The following KLHL1 variants were observed in gnomAD, a reference collection of about 807,000 sequenced individuals.
KLHL1 encodes kelch-like protein 1.
A neutral mutation model predicts 77.7 loss-of-function variants in KLHL1; 47 were observed. That is an observed-to-expected ratio of 0.60 (90% CI 0.48 to 0.77). The LOEUF is 0.77. Among genes scored for constraint, KLHL1 ranks in the 30% least tolerant of loss-of-function variants. The pLI is 0.00. For missense variants in KLHL1, 925 were observed against 910.8 expected (o/e 1.02, Z -0.20); for synonymous variants, 360 against 325.2 (o/e 1.11, Z -1.15).
intron 7 of KLHL1, among the ~76,000 whole-genome samples, chr13:69,796,073 T>G (rs1337933300): frequency 2.0e-5 from 3 of 152,218 alleles, no homozygotes; most frequent in African/African-American, 7.2e-5. Flanking sequence ...CGTATGATCT[T>G]TGAGGACAGC....
At chr13:69,913,589 A>G (rs1198947829) in intron 4 of KLHL1, among the ~76,000 whole-genome samples, 3 of 152,226 alleles carry the variant, frequency 2.0e-5, no homozygotes, top group Non-Finnish European at 4.4e-5. Flanking sequence ...TACTTTTCAT[A>G]TATTTTGGAA....
intron 2 of KLHL1, among the ~76,000 whole-genome samples, chr13:69,971,053 C>G (rs1387510370): frequency 6.6e-6 from 1 of 152,046 alleles, no homozygotes; most frequent in Non-Finnish European, 1.5e-5. Context: ...TTATGATAGT[C>G]AGTCTATTGT....
chr13:69,880,776 A>C (rs1880958584), intron 5 of KLHL1, among the ~76,000 whole-genome samples: 1 of 152,094 alleles, frequency 6.6e-6, no homozygotes, highest in Non-Finnish European at 1.5e-5. Context: ...GACCTACTCT[A>C]ATATGTGTCC....
intron 1 of KLHL1, among the ~76,000 whole-genome samples, chr13:70,029,514 G>A (rs1334143242): frequency 6.6e-6 from 1 of 152,160 alleles, no homozygotes; most frequent in Non-Finnish European, 1.5e-5. Flanking sequence ...AGCTTCATCA[G>A]TGAAGGAGAA....
intron 4 of KLHL1, among the ~76,000 whole-genome samples, chr13:69,889,502 AT>A (rs1297644429): frequency 6.6e-6 from 1 of 151,794 alleles, no homozygotes; most frequent in African/African-American, 2.4e-5. Flanking sequence ...TATTTGATTA[AT>A]TTTTTTCTGG....
At chr13:70,055,667 C>T (rs1350193207) in intron 1 of KLHL1, among the ~76,000 whole-genome samples, 2 of 151,832 alleles carry the variant, frequency 1.3e-5, no homozygotes, top group Non-Finnish European at 1.5e-5. Flanking sequence ...TAAAAAGTGG[C>T]GAGTATGTAG....
chr13:70,025,429 G>A (rs886150624), intron 1 of KLHL1, among the ~76,000 whole-genome samples: 1 of 151,848 alleles, frequency 6.6e-6, no homozygotes, highest in Admixed American at 6.6e-5. Flanking sequence ...GTCATGTAAT[G>A]GGAGTTAGTC....
intron 5 of KLHL1, among the ~76,000 whole-genome samples, chr13:69,843,213 T>C (rs1286117930): frequency 6.6e-6 from 1 of 151,658 alleles, no homozygotes; most frequent in Non-Finnish European, 1.5e-5. Flanking sequence ...CACAACACAC[T>C]ATATGCACGT....
rs76507045 is a variant in KLHL1, at chr13:69,895,188, T to C, written c.1015-12693A>G. 4.1e-3 allele frequency: 1,988 copies of C among 486,760 alleles called. 45 individuals are homozygous for C. The East Asian group carries it at 0.047, about 12-fold the overall frequency. 30.2% of individuals were successfully genotyped at this position (486,760 alleles called of 1,614,324 possible). On this transcript the variant is annotated intron_variant, in intron 4 of 10. Transcript: ENST00000377844. Reference sequence around the variant, plus strand: ...TCTTTAATTCTAACTTCAATAATTTTAACAGGCACTGAATGTGAGGTGTTA... The same window carrying C: ...TCTTTAATTCTAACTTCAATAATTTCAACAGGCACTGAATGTGAGGTGTTA...
intron 7 of KLHL1, among the ~76,000 whole-genome samples, chr13:69,787,176 A>G (rs532007429): frequency 6.6e-6 from 1 of 152,280 alleles, no homozygotes; most frequent in South Asian, 2.1e-4. Context: ...GTTCATATGG[A>G]ACCAAAAAAG....
chr13:69,804,296 TAA>T (rs1566273298), intron 6 of KLHL1, among the ~76,000 whole-genome samples: 2 of 151,020 alleles, frequency 1.3e-5, no homozygotes, highest in Non-Finnish European at 2.9e-5. Context: ...TAGACAAATA[TAA>T]TTTTTTTGTG....
chr13:69,770,693 A>T (rs1436995956), intron 7 of KLHL1, among the ~76,000 whole-genome samples: 1 of 152,216 alleles, frequency 6.6e-6, no homozygotes, highest in Non-Finnish European at 1.5e-5. Flanking sequence ...AGTCTAAAGT[A>T]ATAAATATCT....
intron 7 of KLHL1, among the ~76,000 whole-genome samples, chr13:69,742,604 G>T (rs1439414153): frequency 2.0e-5 from 3 of 152,088 alleles, no homozygotes; most frequent in African/African-American, 7.2e-5. Flanking sequence ...AACTAAAATG[G>T]AATAAGTACA....
intron 1 of KLHL1, among the ~76,000 whole-genome samples, chr13:70,087,939 A>G (rs190288357): frequency 5.4e-4 from 82 of 152,236 alleles, no homozygotes; most frequent in African/African-American, 1.9e-3. Flanking sequence ...TAGGGAAGGG[A>G]GAGCATCATG....
chr13:69,955,942 ATT>A (rs1326493302), intron 3 of KLHL1, among the ~76,000 whole-genome samples: 4 of 90,804 alleles, frequency 4.4e-5, no homozygotes, highest in Admixed American at 1.2e-4. Flanking sequence ...TTTGATATAT[ATT>A]TATATATATA....
At chr13:69,728,847 T>C (rs1304163812) in intron 8 of KLHL1, among the ~76,000 whole-genome samples, 2 of 151,808 alleles carry the variant, frequency 1.3e-5, no homozygotes, top group African/African-American at 4.8e-5. Flanking sequence ...AATGAATGAA[T>C]GAATGAATCC....
chr13:69,744,454 T>C (rs1874116778), intron 7 of KLHL1, among the ~76,000 whole-genome samples: 1 of 151,468 alleles, frequency 6.6e-6, no homozygotes, highest in African/African-American at 2.4e-5. Flanking sequence ...TGCTGAGAGG[T>C]TACATGACTT....
intron 1 of KLHL1, among the ~76,000 whole-genome samples, chr13:70,036,020 C>T (rs985525627): frequency 6.6e-6 from 1 of 151,954 alleles, no homozygotes; most frequent in Non-Finnish European, 1.5e-5. Flanking sequence ...AGTATCAACA[C>T]ACTGAATAAT....
chr13:69,918,626 A>T (rs929718043), intron 4 of KLHL1, among the ~76,000 whole-genome samples: 1 of 152,102 alleles, frequency 6.6e-6, no homozygotes, highest in Non-Finnish European at 1.5e-5. Context: ...GTTTCATCAA[A>T]CAACAAACCT....
Sources: gnomAD v4.1 joint callset for allele counts (sites outside exome capture counted in the v4.1 genomes callset) on GRCh38, gnomAD v4.1.1 for gene constraint, MANE v1.5 for transcripts, NCBI Gene and HGNC (gene_info 2026-07-23, HGNC 2026-07-21) for gene names.